Variants in SLC9A1 observed in about 807,000 individuals in gnomAD.
The protein encoded by SLC9A1 is sodium/hydrogen exchanger 1.
SLC9A1 carries 22 observed loss-of-function variants against 67.9 expected under a neutral mutation model. That is an observed-to-expected ratio of 0.32 (90% confidence interval 0.23 to 0.46). SLC9A1 has a LOEUF of 0.46. Among genes scored for constraint, SLC9A1 ranks in the 20% least tolerant of loss-of-function variants. The pLI, the probability that SLC9A1 is intolerant of heterozygous loss-of-function variation, is 1.00. For synonymous variants in SLC9A1, 421 were observed against 471.8 expected (o/e 0.89, Z 1.40); for missense variants, 686 against 1,094.8 (o/e 0.63, Z 5.27).
Position 27,118,429 on chromosome 1 carries a change from G to A in SLC9A1, c.353-4143C>T, listed in dbSNP as rs2083285542. Among the ~76,000 whole-genome samples, 1 of 152,168 alleles carries A rather than the reference G, an allele frequency of 6.6e-6. No individual in the cohort carries two copies. Among genetic ancestry groups the A allele is most frequent in the Non-Finnish European group, 1.5e-5 (1 of 68,022 alleles). Reference sequence around the variant, plus strand: ...AGTGGGAAGCAGCCCCTGGACCTGCGCTGGCTTGTCCCTCTCCTAACGCCC... The same window carrying A: ...AGTGGGAAGCAGCCCCTGGACCTGCACTGGCTTGTCCCTCTCCTAACGCCC... On this transcript the variant is annotated intron_variant, in intron 1 of 11. Coordinates refer to ENST00000263980, the MANE Select transcript of SLC9A1 (RefSeq NM_003047.5). This position sits in a 1 kb window ranked among gnomAD's most constrained non-coding sequence, Gnocchi z 4.3.
At chr1:27,122,663 C>T (rs1055330303) in intron 1 of SLC9A1, among the ~76,000 whole-genome samples, 1 of 152,202 alleles carries the variant, frequency 6.6e-6, no homozygotes, top group African/African-American at 2.4e-5. Flanking sequence ...TCTCAAGGAC[C>T]CATTTCTGTA....
At chr1:27,131,947 A>AAAAAAAATATATATATAT in intron 1 of SLC9A1, among the ~76,000 whole-genome samples, 2 of 52,120 alleles carry the variant, frequency 3.8e-5, no homozygotes, top group East Asian at 1.1e-3. Context: ...AGAAAAAAAA[A>AAAAAAAATATATATATAT]ATATATATAT....
intron 1 of SLC9A1, among the ~76,000 whole-genome samples, chr1:27,129,914 G>C (rs569152047): frequency 6.6e-6 from 1 of 152,316 alleles, no homozygotes; most frequent in South Asian, 2.1e-4. Context: ...CCGGGGCAGA[G>C]AGAAATGGTC....
rs115265123 is a variant in SLC9A1, at chr1:27,152,160, G to A, written c.352+1823C>T. 1.1e-4 allele frequency among the ~76,000 whole-genome samples: 17 copies of A among 152,226 alleles called. No individual in the cohort carries two copies. In the South Asian group the frequency reaches 1.2e-3, roughly 11 times the overall value. On this transcript the variant is annotated intron_variant, in intron 1 of 11. Coordinates refer to ENST00000263980, the MANE Select transcript of SLC9A1 (RefSeq NM_003047.5). ...CTGCTCTCCAGCTGCCCAGGGTCCCGGGCACAGCACTTGGGTGGTGACAAA... is the reference window on the plus strand; with the variant it reads ...CTGCTCTCCAGCTGCCCAGGGTCCCAGGCACAGCACTTGGGTGGTGACAAA...
Position 27,100,020 on chromosome 1 carries a change from T to G in SLC9A1, c.*287A>C. 2.5e-6 allele frequency: 1 copy of G among 392,884 alleles called. No individual in the cohort carries two copies. The highest frequency in any genetic ancestry group is 4.5e-6 in the Non-Finnish European group (1 of 220,622). 24.3% of individuals were successfully genotyped at this position (392,884 alleles called of 1,614,324 possible). On this transcript the variant is annotated 3_prime_UTR_variant, in exon 12 of 12. Coordinates refer to ENST00000263980, the MANE Select transcript of SLC9A1 (RefSeq NM_003047.5). This position sits in a 1 kb window ranked among gnomAD's most constrained non-coding sequence, Gnocchi z 5.6. ...GCAGAGGGAGGAGCCTCCGAGGCCCTAGTCCAGGTCCGGGAGAAGCCTGGA... is the reference window on the plus strand; with the variant it reads ...GCAGAGGGAGGAGCCTCCGAGGCCCGAGTCCAGGTCCGGGAGAAGCCTGGA...
intron 2 of SLC9A1, among the ~76,000 whole-genome samples, chr1:27,110,538 C>T (rs1344515704): frequency 6.6e-6 from 1 of 152,188 alleles, no homozygotes; most frequent in African/African-American, 2.4e-5. Context: ...GCAACACTAC[C>T]ATCAGATGTT....
chr1:27,117,985 CAG>C (rs1219073609), intron 1 of SLC9A1, among the ~76,000 whole-genome samples: 2 of 152,022 alleles, frequency 1.3e-5, no homozygotes, highest in Non-Finnish European at 2.9e-5. Flanking sequence ...ACCAGGTGAA[CAG>C]AGAGCTGGCA....
Position 27,109,646 on chromosome 1 carries a change from G to A in SLC9A1, c.945C>T (p.Ile315=), listed in dbSNP as rs781644348. The part of the protein sequence containing the change: ...GVLVGVVYGV[I]AAFTSRFTSH... Reference sequence around the variant, plus strand: ...AGGTAAATCGGGAGGTGAAGGCTGCGATGACCCCGTAGACCACGCCCACAA... The same window carrying A: ...AGGTAAATCGGGAGGTGAAGGCTGCAATGACCCCGTAGACCACGCCCACAA... The change falls in exon 3 of 12, where the codon ATC becomes ATT. Residue 315 remains isoleucine, a synonymous_variant. Coordinates refer to ENST00000263980, the MANE Select transcript of SLC9A1 (RefSeq NM_003047.5). This position sits in a 1 kb window ranked among gnomAD's most constrained non-coding sequence, Gnocchi z 5.5. The A allele has an allele frequency of 3.1e-6, 5 of 1,613,762 alleles. No individual in the cohort carries two copies. Among genetic ancestry groups the A allele is most frequent in the East Asian group, 2.2e-5 (1 of 44,892 alleles).
intron 1 of SLC9A1, among the ~76,000 whole-genome samples, chr1:27,121,288 A>T (rs1204603079): frequency 6.6e-6 from 1 of 152,132 alleles, no homozygotes; most frequent in East Asian, 1.9e-4. Context: ...CTGTCAGAAA[A>T]CACAAGCAGC....
intron 1 of SLC9A1, among the ~76,000 whole-genome samples, chr1:27,138,257 C>T (rs541414426): frequency 8.4e-4 from 128 of 152,358 alleles, no homozygotes; most frequent in African/African-American, 3.0e-3. Context: ...GCACACCCCC[C>T]TCAGGGGCCC....
chr1:27,109,555 C>T lies in SLC9A1; in HGVS notation c.1036G>A (p.Glu346Lys). 6.2e-7 allele frequency: 1 copy of T among 1,613,606 alleles called. No individual in the cohort carries two copies. The highest frequency in any genetic ancestry group is 8.5e-7 in the Non-Finnish European group (1 of 1,179,940). Residue 346 changes from glutamate to lysine, a missense_variant, in exon 3 of 12, where the codon GAG becomes AAG. Physicochemically the swap from Glu to Lys is moderately conservative, Grantham distance 56 (BLOSUM62 1). Coordinates refer to ENST00000263980, the MANE Select transcript of SLC9A1 (RefSeq NM_003047.5). This position sits in a 1 kb window ranked among gnomAD's most constrained non-coding sequence, Gnocchi z 5.5. ...ATGATGCCTGACAGGTGGAAGAGCT[C>T]GGCTGACAAGTAGGCCATGTAGCTG... Reference protein sequence around the residue: ...LYSYMAYLSAELFHLSGIMAL... With the variant: ...LYSYMAYLSAKLFHLSGIMAL...
chr1:27,138,921 G>A (rs1225224489), intron 1 of SLC9A1, among the ~76,000 whole-genome samples: 1 of 152,134 alleles, frequency 6.6e-6, no homozygotes, highest in African/African-American at 2.4e-5. Flanking sequence ...GCTGCCTGCA[G>A]GCAGACAGCA....
At position 27,109,609 on chromosome 1, in the gene SLC9A1, C is replaced by T. The variant is rs1453432733; in HGVS notation, c.982G>A (p.Val328Ile). The T allele has an allele frequency of 1.9e-6, 3 of 1,613,704 alleles. No homozygotes were observed. Among genetic ancestry groups the T allele is most frequent in the Non-Finnish European group, 2.5e-6 (3 of 1,179,996 alleles). Residue 328 changes from valine (V) to isoleucine (I), a missense_variant, in exon 3 of 12, where the codon GTC (valine) becomes ATC (isoleucine). Val to Ile is a conservative substitution (Grantham distance 29). Transcript: ENST00000263980. The surrounding 1 kb of genome is among the most constrained non-coding windows in gnomAD (Gnocchi z 5.5). ...FTSRFTSHIR[V>I]IEPLFVFLYS... ...AGGAAGACGAAGAGCGGCTCGATGA[C>T]CCGGATGTGGGAGGTAAATCGGGAG...
At position 27,100,237 on chromosome 1, in the gene SLC9A1, G is replaced by T; in HGVS notation, c.*70C>A. The stretch of plus-strand genomic sequence containing the variant: ...CAATCCGGGTCAGGAAGGGCAAGGG[G>T]AGCCCCCAGCAGCCCCTGCTCTGGT... On this transcript the variant is annotated 3_prime_UTR_variant, in exon 12 of 12. Transcript: ENST00000263980. This position sits in a 1 kb window ranked among gnomAD's most constrained non-coding sequence, Gnocchi z 5.6. The T allele has an allele frequency of 8.2e-7, 1 of 1,212,456 alleles. No individual in the cohort carries two copies. Among genetic ancestry groups the T allele is most frequent in the Non-Finnish European group, 1.1e-6 (1 of 887,630 alleles). 75.1% of individuals were successfully genotyped at this position (1,212,456 alleles called of 1,614,324 possible). A position where few individuals can be genotyped will look rare whatever the true frequency, so the allele number is the denominator to read the frequency against.
At position 27,137,768 on chromosome 1, in the gene SLC9A1, C is replaced by T. The variant is rs113627129; in HGVS notation, c.352+16215G>A. On this transcript the variant is annotated intron_variant, in intron 1 of 11. Coordinates refer to ENST00000263980, the MANE Select transcript of SLC9A1 (RefSeq NM_003047.5). The surrounding 1 kb of genome is among the most constrained non-coding windows in gnomAD (Gnocchi z 4.6). ...GGTCTGGTGACTGTTTGCCTGCAGG[C>T]GCTGAGGCTCAGCAAGGGAGGGGTG... 1.3e-5 allele frequency among the ~76,000 whole-genome samples: 2 copies of T among 152,198 alleles called. No homozygotes were observed. The highest frequency in any genetic ancestry group is 2.1e-4 in the South Asian group (1 of 4,834).
chr1:27,113,693 T>C (rs2083245915), intron 2 of SLC9A1, 133 bp downstream of exon 2: 1 of 711,920 alleles, frequency 1.4e-6, no homozygotes, highest in Non-Finnish European at 2.4e-6. Context: ...GCATGGTGCC[T>C]GGCATACGGG....
chr1:27,131,269 G>A (rs1256160635), intron 1 of SLC9A1, among the ~76,000 whole-genome samples: 2 of 151,950 alleles, frequency 1.3e-5, no homozygotes, highest in Non-Finnish European at 1.5e-5. Flanking sequence ...GCCCTGTCAC[G>A]CAGCGTCCAG....
intron 1 of SLC9A1, among the ~76,000 whole-genome samples, chr1:27,115,873 A>G (rs11802033): frequency 0.97 from 148,116 of 152,252 alleles, 72,083 homozygotes; most frequent in East Asian, 1. Flanking sequence ...AACAAATATC[A>G]GCTGACTTGA....
intron 1 of SLC9A1, among the ~76,000 whole-genome samples, chr1:27,130,665 A>T (rs1419101246): frequency 6.6e-6 from 1 of 152,212 alleles, no homozygotes; most frequent in African/African-American, 2.4e-5. Context: ...CTTCTCATTT[A>T]GCCTCAGCAA....
Sources: gnomAD v4.1 joint callset for allele counts (sites outside exome capture counted in the v4.1 genomes callset) on GRCh38, gnomAD v4.1.1 for gene constraint, Gnocchi (gnomAD v3.1) non-coding constraint, MANE v1.5 for transcripts, NCBI Gene and HGNC (gene_info 2026-07-23, HGNC 2026-07-21) for gene names.